MRTFA: variants seen among roughly 807,000 people sequenced by gnomAD.
The protein encoded by MRTFA is myocardin-related transcription factor A.
Under a neutral mutation model 83.5 loss-of-function variants are expected in MRTFA, and 20 were observed. The observed-to-expected ratio is 0.24, with a 90% CI of 0.17 to 0.35. The LOEUF is 0.35. Among genes scored for constraint, MRTFA ranks in the 10% least tolerant of loss-of-function variants. The pLI, the probability that MRTFA is intolerant of heterozygous loss-of-function variation, is 1.00. For synonymous variants in MRTFA, 659 were observed against 541.2 expected (o/e 1.22, Z -3.02); for missense variants, 1,200 against 1,224.7 (o/e 0.98, Z 0.30).
rs1356824044 is a variant in MRTFA, at chr22:40,533,328, CAA to C, written c.241+18776_241+18777del. Among the ~76,000 whole-genome samples the C allele has an allele frequency of 5.9e-5, 9 of 152,070 alleles. No homozygotes were observed. In the South Asian group the frequency reaches 1.4e-3, roughly 24 times the overall value. On this transcript the variant is annotated intron_variant, in intron 3 of 14. Transcript: ENST00000355630. ...CAATACAACACTTGATTAAAGAAGA[CAA>C]AGAGTTTTTTTTCTCAAACAGGTCT...
At chr22:40,488,431 G>T (rs2054208624) in intron 3 of MRTFA, among the ~76,000 whole-genome samples, 1 of 152,178 alleles carries the variant, frequency 6.6e-6, no homozygotes, top group African/African-American at 2.4e-5. Flanking sequence ...AAAATTAGCA[G>T]CACATGTCCC....
intron 7 of MRTFA, among the ~76,000 whole-genome samples, chr22:40,425,424 A>AG (rs1008553125): frequency 6.6e-6 from 1 of 152,264 alleles, no homozygotes; most frequent in African/African-American, 2.4e-5. Context: ...GGAAGACCCC[A>AG]GATAAGGAAG....
rs145937597 is a variant in MRTFA at position 40,518,091 on chromosome 22, C to T, written c.241+34015G>A. Among the ~76,000 whole-genome samples the T allele has an allele frequency of 2.7e-3, 410 of 152,224 alleles. 3 individuals carry two copies. Among genetic ancestry groups the T allele is most frequent in the African/African-American group, 9.4e-3 (392 of 41,524 alleles). ...CTCATAGCTCACCCTATGCTTCTCT[C>T]CCATTTGGCTGTTCCTGAGTTTTAT... On this transcript the variant is annotated intron_variant, in intron 3 of 14. Transcript: ENST00000355630.
intron 1 of MRTFA, among the ~76,000 whole-genome samples, chr22:40,624,118 T>A (rs2056553531): frequency 6.6e-6 from 1 of 151,940 alleles, no homozygotes. Context: ...TAAAATTATT[T>A]CAATTTAAAA....
At chr22:40,609,133 T>C (rs2147409033) in intron 1 of MRTFA, among the ~76,000 whole-genome samples, 1 of 151,720 alleles carries the variant, frequency 6.6e-6, no homozygotes, top group Admixed American at 6.6e-5. Flanking sequence ...TCTACTAAAA[T>C]ACAAAAAATT....
At position 40,417,154 on chromosome 22, in the gene MRTFA, C is replaced by T; in HGVS notation, c.2518-108G>A. 4.3e-6 allele frequency: 6 copies of T among 1,406,956 alleles called. No individual in the cohort carries two copies. In the South Asian group the frequency reaches 7.6e-5, roughly 18 times the overall value. 87.2% of individuals were successfully genotyped at this position (1,406,956 alleles called of 1,614,324 possible). The stretch of plus-strand genomic sequence containing the variant: ...TCTGCCCCAGAATAAGCAGCCAGAT[C>T]CACAGGACCCATGGGCGTGCCCGGA... On this transcript the variant is annotated intron_variant, in intron 13 of 14. Coordinates refer to ENST00000355630, the MANE Select transcript of MRTFA (RefSeq NM_020831.6).
At chr22:40,430,625 G>A (rs572317050) in intron 6 of MRTFA, among the ~76,000 whole-genome samples, 124 of 151,294 alleles carry the variant, frequency 8.2e-4, no homozygotes, top group African/African-American at 2.9e-3. Flanking sequence ...TTGGGAGGCC[G>A]AGGTGGGTGG....
At chr22:40,517,942 T>C (rs937100750) in intron 3 of MRTFA, among the ~76,000 whole-genome samples, 2 of 152,084 alleles carry the variant, frequency 1.3e-5, no homozygotes, top group Non-Finnish European at 2.9e-5. Flanking sequence ...TAATCATGCC[T>C]ACATGATGAA....
At chr22:40,510,652 C>A (rs577785196) in intron 3 of MRTFA, among the ~76,000 whole-genome samples, 27 of 152,020 alleles carry the variant, frequency 1.8e-4, no homozygotes, top group Admixed American at 2.6e-4. Flanking sequence ...TTGGATACCA[C>A]CCCTGCTTTA....
intron 2 of MRTFA, among the ~76,000 whole-genome samples, chr22:40,569,606 C>T (rs2055755505): frequency 6.6e-6 from 1 of 152,126 alleles, no homozygotes; most frequent in African/African-American, 2.4e-5. Flanking sequence ...TGCCTGTAAT[C>T]TCAGCTACTC....
intron 1 of MRTFA, among the ~76,000 whole-genome samples, chr22:40,610,729 A>T (rs1228019489): frequency 2.0e-5 from 3 of 152,172 alleles, no homozygotes; most frequent in Non-Finnish European, 2.9e-5. Flanking sequence ...TATTAGATAC[A>T]TAAGAAAGAA....
chr22:40,536,364 G>C (rs976642992), intron 3 of MRTFA, among the ~76,000 whole-genome samples: 1 of 146,050 alleles, frequency 6.8e-6, no homozygotes, highest in East Asian at 1.9e-4. Context: ...GGAGTTCAGC[G>C]GGCAGCGGAG....
intron 2 of MRTFA, chr22:40,586,900 CTGG>C: frequency 2.3e-6 from 1 of 433,484 alleles, no homozygotes. Flanking sequence ...GCTGGTGCTG[CTGG>C]TGCTGCTGGT....
intron 2 of MRTFA, among the ~76,000 whole-genome samples, chr22:40,592,547 G>C (rs866192285): frequency 2.7e-5 from 4 of 148,512 alleles, no homozygotes; most frequent in African/African-American, 1.0e-4. Context: ...GGAATGCAGT[G>C]ATGCAATCAC....
chr22:40,412,269 A>G (rs953955931), intron 14 of MRTFA: 7 of 162,560 alleles, frequency 4.3e-5, no homozygotes, highest in Non-Finnish European at 6.6e-5. Context: ...GGGAGACCAC[A>G]GTGAGATACA....
intron 4 of MRTFA, among the ~76,000 whole-genome samples, chr22:40,459,814 C>CAA (rs1265352276): frequency 2.8e-5 from 3 of 106,222 alleles, no homozygotes; most frequent in Non-Finnish European, 3.7e-5. Context: ...CACACACACA[C>CAA]ACACACACAT....
At chr22:40,519,562 G>T (rs545197437) in intron 3 of MRTFA, 1 of 1,348,366 alleles carries the variant, frequency 7.4e-7, no homozygotes, top group South Asian at 1.2e-5. Context: ...CTCCAAAGTG[G>T]AGGTGAAAGG....
At chr22:40,572,346 A>C (rs996179348) in intron 2 of MRTFA, among the ~76,000 whole-genome samples, 1 of 152,180 alleles carries the variant, frequency 6.6e-6, no homozygotes, top group Non-Finnish European at 1.5e-5. Flanking sequence ...GCAGAGGTGC[A>C]CATCTATAGT....
intron 3 of MRTFA, among the ~76,000 whole-genome samples, chr22:40,494,294 C>G (rs561022258): frequency 1.3e-4 from 19 of 151,986 alleles, no homozygotes; most frequent in Admixed American, 9.2e-4. Flanking sequence ...ATTAAAACTA[C>G]TAGGTTAAAA....
Sources: gnomAD v4.1 joint callset for allele counts (sites outside exome capture counted in the v4.1 genomes callset) on GRCh38, gnomAD v4.1.1 for gene constraint, MANE v1.5 for transcripts, NCBI Gene and HGNC (gene_info 2026-07-23, HGNC 2026-07-21) for gene names.